CLCN3: variants seen among roughly 807,000 people sequenced by gnomAD.
CLCN3 encodes H(+)/Cl(-) exchange transporter 3.
A neutral mutation model predicts 83.4 loss-of-function variants in CLCN3; 16 were observed. That is an observed-to-expected ratio of 0.19 (90% CI 0.13 to 0.29). The LOEUF (loss-of-function observed/expected upper bound fraction) is 0.29, where lower values mean the gene tolerates loss of function less well. CLCN3 is among the 10% of genes least tolerant of loss of function. The probability of loss-of-function intolerance (pLI) is 1.00; values close to 1 mark genes in which losing one functional copy is unlikely to be tolerated. For missense variants in CLCN3, 544 were observed against 1,006.0 expected (o/e 0.54, Z 6.21); for synonymous variants, 322 against 346.2 (o/e 0.93, Z 0.78).
At chr4:169,662,719 T>G (rs1377764828) in intron 2 of CLCN3, 2 of 152,208 alleles carry the variant, frequency 1.3e-5, no homozygotes, top group Non-Finnish European at 2.9e-5. Context: ...GGCGAGATGG[T>G]AAATGGTGAA....
intron 1 of CLCN3, 101 bp from the exon 2 acceptor site, chr4:169,635,812 T>G: frequency 3.3e-6 from 3 of 915,670 alleles, no homozygotes; most frequent in Non-Finnish European, 4.6e-6. Flanking sequence ...ACGCTTAATT[T>G]TTTTTAGCAC....
chr4:169,652,072 C>G (rs1730746353), intron 2 of CLCN3, among the ~76,000 whole-genome samples: 1 of 152,112 alleles, frequency 6.6e-6, no homozygotes, highest in Non-Finnish European at 1.5e-5. Context: ...TCAGAAAATG[C>G]ATAAAACGTA....
At chr4:169,641,524 C>A (rs1401300474) in intron 2 of CLCN3, among the ~76,000 whole-genome samples, 2 of 152,094 alleles carry the variant, frequency 1.3e-5, no homozygotes, top group Admixed American at 6.6e-5. Context: ...ACCTTCTGAG[C>A]TATTACAAGA....
intron 11 of CLCN3, among the ~76,000 whole-genome samples, chr4:169,711,354 T>G (rs1490389947): frequency 6.6e-6 from 1 of 152,232 alleles, no homozygotes; most frequent in Non-Finnish European, 1.5e-5. Flanking sequence ...TTCTTTTCTA[T>G]GCCATGATCA....
At position 169,723,051 on chromosome 4, in the gene CLCN3, G is replaced by C. The variant is rs1319547768; in HGVS notation, c.*3054G>C. The C allele has an allele frequency of 6.6e-6, 1 of 152,104 alleles. No homozygotes were observed. Among genetic ancestry groups the C allele is most frequent in the Non-Finnish European group, 1.5e-5 (1 of 68,008 alleles). 9.4% of individuals were successfully genotyped at this position (152,104 alleles called of 1,614,324 possible). On this transcript the variant is annotated 3_prime_UTR_variant, in exon 13 of 13. Transcript: ENST00000513761. ...AGTTTTGGTTCACGAAGAATGCTTA[G>C]TTAATCTGTAATGTTGCCTAGAGCT...
rs774017125 is a variant in CLCN3, at chr4:169,689,116, G to A, written c.492G>A (p.Ala164=). The change falls in exon 5 of 13, where the codon GCG becomes GCA. Residue 164 remains alanine (A), a synonymous_variant. Coordinates refer to ENST00000513761, the MANE Select transcript of CLCN3 (RefSeq NM_001829.4). ...TAAAGGAGGGCATTTGCCTTAGTGC[G>A]TTGTGGTACAACCACGAACAGTGCT... is the stretch of plus-strand genomic sequence containing the variant. ...TDLKEGICLS[A]LWYNHEQCCW... 9.2e-5 allele frequency: 148 copies of A among 1,613,648 alleles called. No individual in the cohort carries two copies. Among genetic ancestry groups the A allele is most frequent in the Middle Eastern group, 1.6e-4 (1 of 6,084 alleles).
At chr4:169,622,140 G>T (rs1773126251) in intron 1 of CLCN3, among the ~76,000 whole-genome samples, 1 of 152,088 alleles carries the variant, frequency 6.6e-6, no homozygotes, top group African/African-American at 2.4e-5. Context: ...TGCTTTACTT[G>T]AATGATGAGT....
intron 1 of CLCN3, among the ~76,000 whole-genome samples, chr4:169,629,236 G>A (rs1385916404): frequency 1.3e-5 from 2 of 151,898 alleles, no homozygotes; most frequent in African/African-American, 2.4e-5. Context: ...ATAGTTTTGC[G>A]AGATGTTCCC....
intron 3 of CLCN3, among the ~76,000 whole-genome samples, chr4:169,683,772 C>G (rs79447648): frequency 0.015 from 2,075 of 143,010 alleles, 40 homozygotes; most frequent in African/African-American, 0.051. Flanking sequence ...TAAGCAGAGT[C>G]TTGCTCTTTT....
chr4:169,714,453 C>A (rs2062611), intron 12 of CLCN3, among the ~76,000 whole-genome samples: 66,656 of 151,972 alleles, frequency 0.44, 16,732 homozygotes, highest in East Asian at 0.76. Context: ...GTAGTTATAG[C>A]CCTACTTTAC....
chr4:169,632,613 A>C (rs972374137), intron 1 of CLCN3, among the ~76,000 whole-genome samples: 1 of 145,830 alleles, frequency 6.9e-6, no homozygotes, highest in African/African-American at 2.5e-5. Flanking sequence ...GGTACTCGGG[A>C]GGCTGAGGCA....
At chr4:169,694,461 C>A (rs1448063169) in intron 7 of CLCN3, among the ~76,000 whole-genome samples, 2 of 152,164 alleles carry the variant, frequency 1.3e-5, no homozygotes, top group Admixed American at 1.3e-4. Context: ...TTTATAATTT[C>A]TCTTCTGGAA....
rs1286390399 is a variant in CLCN3, at chr4:169,723,127, C to G, written c.*3130C>G. On this transcript the variant is annotated 3_prime_UTR_variant, in exon 13 of 13. Coordinates refer to ENST00000513761, the MANE Select transcript of CLCN3 (RefSeq NM_001829.4). ...AGTGTAGTAAAGCTGCATATCATTA[C>G]AGTAAAAACGACTACTGTGATGAGT... 4 of 152,154 alleles carry G rather than the reference C, an allele frequency of 2.6e-5. No homozygotes were observed. Among genetic ancestry groups the G allele is most frequent in the African/African-American group, 7.2e-5 (3 of 41,438 alleles). 9.4% of individuals were successfully genotyped at this position (152,154 alleles called of 1,614,324 possible). A position where few individuals can be genotyped will look rare whatever the true frequency, so the allele number is the denominator to read the frequency against.
At chr4:169,676,164 CT>C (rs1364824999) in intron 2 of CLCN3, among the ~76,000 whole-genome samples, 4 of 152,104 alleles carry the variant, frequency 2.6e-5, no homozygotes, top group African/African-American at 9.7e-5. Context: ...ACACCTGGCC[CT>C]TTTTTAAAAA....
intron 2 of CLCN3, among the ~76,000 whole-genome samples, chr4:169,638,252 T>A (rs935243246): frequency 6.6e-5 from 10 of 152,290 alleles, no homozygotes; most frequent in Middle Eastern, 3.4e-3. Flanking sequence ...TACCACTTCA[T>A]GGAAAATGCA....
At chr4:169,636,735 G>GTTGTTTTTTTTT (rs1553965336) in intron 2 of CLCN3, among the ~76,000 whole-genome samples, 14 of 119,500 alleles carry the variant, frequency 1.2e-4, no homozygotes, top group East Asian at 2.3e-4. Flanking sequence ...TCATTATTTG[G>GTTGTTTTTTTTT]TTTTTTTTTT....
chr4:169,704,245 G>C, intron 10 of CLCN3, 61 bp downstream of exon 10: 1 of 1,501,630 alleles, frequency 6.7e-7, no homozygotes, highest in Non-Finnish European at 9.1e-7. Context: ...CCAAGAGAAA[G>C]TGGGACACAT....
At chr4:169,657,255 A>G (rs958465376) in intron 2 of CLCN3, among the ~76,000 whole-genome samples, 15 of 152,054 alleles carry the variant, frequency 9.9e-5, no homozygotes, top group Non-Finnish European at 1.8e-4. Context: ...CATTTCCCCA[A>G]TTGTTTCTTA....
At chr4:169,663,552 C>T in intron 2 of CLCN3, 1 of 367,400 alleles carries the variant, frequency 2.7e-6, no homozygotes, top group Non-Finnish European at 5.3e-6. Context: ...GTTGTCCAGG[C>T]TGGTCTCCAA....
Sources: gnomAD v4.1 joint callset for allele counts (sites outside exome capture counted in the v4.1 genomes callset) on GRCh38, gnomAD v4.1.1 for gene constraint, MANE v1.5 for transcripts, NCBI Gene and HGNC (gene_info 2026-07-23, HGNC 2026-07-21) for gene names.